Variants in PRKCI observed in about 807,000 individuals in gnomAD.
PRKCI encodes the protein protein kinase C iota.
A neutral mutation model predicts 84.0 loss-of-function variants in PRKCI; 43 were observed. The ratio of observed to expected loss-of-function variants is 0.51; its 90% CI spans 0.40 to 0.66. The LOEUF (loss-of-function observed/expected upper bound fraction) is 0.66, where lower values mean the gene tolerates loss of function less well. Among genes scored for constraint, PRKCI ranks in the 30% least tolerant of loss-of-function variants. The pLI, the probability that PRKCI is intolerant of heterozygous loss-of-function variation, is 0.00. For missense variants in PRKCI, 459 were observed against 745.6 expected (o/e 0.62, Z 4.48); for synonymous variants, 216 against 234.4 (o/e 0.92, Z 0.72).
intron 14 of PRKCI, among the ~76,000 whole-genome samples, chr3:170,294,994 G>A (rs1468373645): frequency 6.6e-6 from 1 of 151,384 alleles, no homozygotes; most frequent in African/African-American, 2.4e-5. Flanking sequence ...CGGATCACTT[G>A]AGGTTAGGAG....
At position 170,304,305 on chromosome 3, in the gene PRKCI, C is replaced by G. The variant is rs2108870541; in HGVS notation, c.*1178C>G. ...TTTCCTATTGGAGAGTGAATCCCCACAGTTGCTTTTTGTGACTTGATTCAA... is the reference window on the plus strand; with the variant it reads ...TTTCCTATTGGAGAGTGAATCCCCAGAGTTGCTTTTTGTGACTTGATTCAA... On this transcript the variant is annotated 3_prime_UTR_variant, in exon 18 of 18. Transcript: ENST00000295797. The G allele has an allele frequency of 6.6e-6, 1 of 152,298 alleles. No homozygotes were observed. The highest frequency in any genetic ancestry group is 2.1e-4 in the South Asian group (1 of 4,818). The allele number at this position is 152,298 out of a possible 1,614,324, so 9.4% of individuals were successfully genotyped here. A position where few individuals can be genotyped will look rare whatever the true frequency, so the allele number is the denominator to read the frequency against.
intron 3 of PRKCI, among the ~76,000 whole-genome samples, chr3:170,261,268 A>G (rs1733719485): frequency 6.6e-6 from 1 of 151,164 alleles, no homozygotes; most frequent in Non-Finnish European, 1.5e-5. Flanking sequence ...CCCAGCCAAG[A>G]ACCTCTTAAT....
intron 2 of PRKCI, among the ~76,000 whole-genome samples, chr3:170,243,557 AG>A (rs1733190940): frequency 6.6e-6 from 1 of 152,176 alleles, no homozygotes; most frequent in Non-Finnish European, 1.5e-5. Flanking sequence ...ATCATGTGGT[AG>A]GTATATATGC....
chr3:170,270,382 T>C, intron 5 of PRKCI, 39 bp from the exon 6 acceptor site: 1 of 1,563,064 alleles, frequency 6.4e-7, no homozygotes, highest in Non-Finnish European at 8.7e-7. Context: ...GGTTATGACC[T>C]TCTTGGTTAA....
intron 8 of PRKCI, among the ~76,000 whole-genome samples, chr3:170,277,250 A>G (rs1734138217): frequency 6.6e-6 from 1 of 151,598 alleles, no homozygotes; most frequent in Non-Finnish European, 1.5e-5. Context: ...CACTGTTTAA[A>G]AAAAGAAAAA....
intron 1 of PRKCI, among the ~76,000 whole-genome samples, chr3:170,234,211 A>T (rs867657917): frequency 4.6e-5 from 7 of 151,896 alleles, no homozygotes; most frequent in Non-Finnish European, 7.4e-5. Context: ...TTTTATTTTT[A>T]GTAGAGTCAG....
intron 3 of PRKCI, among the ~76,000 whole-genome samples, chr3:170,261,455 TTTTTAA>T (rs35674311): frequency 0.014 from 2,100 of 148,946 alleles, 57 homozygotes; most frequent in African/African-American, 0.051. Flanking sequence ...CAGTGTTTTT[TTTTTAA>T]AAAAAAAAAA....
At chr3:170,301,320 A>G (rs909884641) in intron 17 of PRKCI, among the ~76,000 whole-genome samples, 8 of 152,120 alleles carry the variant, frequency 5.3e-5, no homozygotes, top group African/African-American at 1.9e-4. Flanking sequence ...CAAATTGCCT[A>G]CCTCATAAGG....
At chr3:170,257,574 C>T (rs780135012) in intron 2 of PRKCI, among the ~76,000 whole-genome samples, 2 of 152,084 alleles carry the variant, frequency 1.3e-5, no homozygotes, top group Non-Finnish European at 2.9e-5. Flanking sequence ...CATCTTCTCA[C>T]CTGTTTCCTC....
chr3:170,242,502 A>G (rs1396059993), intron 2 of PRKCI, among the ~76,000 whole-genome samples: 1 of 152,092 alleles, frequency 6.6e-6, no homozygotes, highest in Non-Finnish European at 1.5e-5. Context: ...AGAAAAGGAA[A>G]GCTAAGTACC....
At chr3:170,263,958 T>C (rs1205024329) in intron 4 of PRKCI, among the ~76,000 whole-genome samples, 2 of 152,238 alleles carry the variant, frequency 1.3e-5, no homozygotes, top group Admixed American at 1.3e-4. Flanking sequence ...GTTGCACATA[T>C]GAAAGGAATA....
rs115495840 is a variant in PRKCI at position 170,242,595 on chromosome 3, T to C, written c.223+7244T>C. 9.0e-3 allele frequency among the ~76,000 whole-genome samples: 1,367 copies of C among 151,170 alleles called. 22 individuals are homozygous for C. Among genetic ancestry groups the C allele is most frequent in the African/African-American group, 0.032 (1,301 of 40,468 alleles). On this transcript the variant is annotated intron_variant, in intron 2 of 17. Transcript: ENST00000295797. ...ATAATGTTATAATGTAAAGAACTTA[T>C]ACATTATGAATTATTATACATTATT...
intron 3 of PRKCI, among the ~76,000 whole-genome samples, chr3:170,262,093 A>G (rs1733741497): frequency 6.6e-6 from 1 of 152,206 alleles, no homozygotes; most frequent in African/African-American, 2.4e-5. Flanking sequence ...CCTTTAGTAC[A>G]TCACAGACTA....
intron 5 of PRKCI, among the ~76,000 whole-genome samples, chr3:170,269,958 C>CAAA (rs550260990): frequency 0.018 from 2,448 of 132,748 alleles, 80 homozygotes; most frequent in African/African-American, 0.063. Flanking sequence ...AACTCTGTCT[C>CAAA]AAAAAAAAAA....
chr3:170,284,423 T>C (rs959598031), intron 11 of PRKCI, 38 bp from the exon 12 acceptor site: 2 of 1,476,930 alleles, frequency 1.4e-6, no homozygotes, highest in South Asian at 1.2e-5. Flanking sequence ...AACTTAAATA[T>C]GGTTGAATCA....
At chr3:170,249,558 G>T (rs1434532855) in intron 2 of PRKCI, among the ~76,000 whole-genome samples, 2 of 152,134 alleles carry the variant, frequency 1.3e-5, no homozygotes, top group African/African-American at 4.8e-5. Context: ...GGAGACCAAG[G>T]TGAGACGATT....
At chr3:170,245,919 G>A (rs1733264193) in intron 2 of PRKCI, among the ~76,000 whole-genome samples, 1 of 127,488 alleles carries the variant, frequency 7.8e-6, no homozygotes, top group Non-Finnish European at 1.7e-5. Flanking sequence ...ATTCTGAAAT[G>A]TCTCTTTTTT....
chr3:170,267,393 G>A (rs1254113951), intron 4 of PRKCI, among the ~76,000 whole-genome samples: 1 of 152,022 alleles, frequency 6.6e-6, no homozygotes, highest in Non-Finnish European at 1.5e-5. Context: ...GCAGTAGTAG[G>A]CCGGGCGCGT....
chr3:170,245,949 G>GTTTTTTTTGTTTGTTTGTTTTTTTT (rs769121904), intron 2 of PRKCI, among the ~76,000 whole-genome samples: 1 of 82,462 alleles, frequency 1.2e-5, no homozygotes, highest in Non-Finnish European at 2.4e-5. Flanking sequence ...TTATGTCTTT[G>GTTTTTTTTGTTTGTTTGTTTTTTTT]TTTTTTTTTT....
Sources: allele counts gnomAD v4.1 joint callset (sites outside exome capture counted in the v4.1 genomes callset), GRCh38; gene constraint gnomAD v4.1.1; transcripts MANE v1.5; gene names NCBI Gene and HGNC (gene_info 2026-07-23, HGNC 2026-07-21).